SLC37A2: variants seen among roughly 807,000 people sequenced by gnomAD.
The protein encoded by SLC37A2 is glucose-6-phosphate exchanger SLC37A2.
In SLC37A2, 59 loss-of-function variants were observed where a neutral mutation model predicts 70.7. The observed-to-expected ratio is 0.83, with a 90% confidence interval of 0.68 to 1.04. The LOEUF (loss-of-function observed/expected upper bound fraction) is 1.04. SLC37A2 is among the 50% of genes least tolerant of loss of function. The pLI is 0.00. For synonymous variants in SLC37A2, 257 were observed against 262.1 expected, an observed-to-expected ratio of 0.98 and a Z score of 0.19; for missense variants, 580 against 658.1, an observed-to-expected ratio of 0.88 and a Z score of 1.30.
intron 1 of SLC37A2, among the ~76,000 whole-genome samples, chr11:125,071,116 G>A (rs1338256688): frequency 6.6e-6 from 1 of 152,136 alleles, no homozygotes; most frequent in East Asian, 1.9e-4. Context: ...GTCACTAACA[G>A]ACACTAAGTT....
intron 12 of SLC37A2, 63 bp from the exon 13 acceptor site, chr11:125,084,762 C>A (rs1949186326): frequency 8.3e-6 from 13 of 1,566,316 alleles, no homozygotes; most frequent in Non-Finnish European, 1.1e-5. Flanking sequence ...TGTTGCAGAC[C>A]TCAGGGCTCC....
chr11:125,085,000 C>G, intron 13 of SLC37A2, 66 bp from the exon 14 acceptor site: 1 of 1,596,074 alleles, frequency 6.3e-7, no homozygotes, highest in Admixed American at 1.7e-5. Context: ...GGAGAGTGCT[C>G]CTGCCTTGGG....
chr11:125,075,757 G>A (rs1269789132), intron 1 of SLC37A2, among the ~76,000 whole-genome samples: 1 of 152,210 alleles, frequency 6.6e-6, no homozygotes, highest in East Asian at 1.9e-4. Flanking sequence ...GGGGTGTGGA[G>A]GAGGATTCCT....
chr11:125,080,947 A>G lies in SLC37A2; in HGVS notation c.694+167A>G, dbSNP rs979386057. On this transcript the variant is annotated intron_variant, in intron 7 of 17. Transcript: ENST00000403796. This position sits in a 1 kb window ranked among gnomAD's most constrained non-coding sequence, Gnocchi z 4.3. ...ATTTTCTCATTTGTAAAATAATAAT[A>G]GTAATAATAATGTCTATTTCGTAGG... Among the ~76,000 whole-genome samples, 2 of 152,202 alleles carry G rather than the reference A, an allele frequency of 1.3e-5. No homozygotes were observed. Among genetic ancestry groups the G allele is most frequent in the African/African-American group, 4.8e-5 (2 of 41,448 alleles).
At chr11:125,070,405 T>C (rs907761274) in intron 1 of SLC37A2, among the ~76,000 whole-genome samples, 3 of 152,186 alleles carry the variant, frequency 2.0e-5, no homozygotes, top group Non-Finnish European at 4.4e-5. Flanking sequence ...ATTTAATCTT[T>C]ATAACACTCT....
chr11:125,083,489 C>A lies in SLC37A2; in HGVS notation c.977-326C>A. The A allele has an allele frequency of 1.0e-5, 3 of 297,366 alleles. No homozygotes were observed. Among genetic ancestry groups the A allele is most frequent in the Non-Finnish European group, 1.9e-5 (3 of 155,512 alleles). 18.4% of individuals were successfully genotyped at this position (297,366 alleles called of 1,614,324 possible). ...GAAGCAGAGAAAGGGCTGGGCTGAGCTTCAGGTTGCGCTCCAGGGGAAAGG... is the reference window on the plus strand; with the variant it reads ...GAAGCAGAGAAAGGGCTGGGCTGAGATTCAGGTTGCGCTCCAGGGGAAAGG... On this transcript the variant is annotated intron_variant, in intron 10 of 17. Transcript: ENST00000403796. This position sits in a 1 kb window ranked among gnomAD's most constrained non-coding sequence, Gnocchi z 4.6.
At chr11:125,086,690 C>G in intron 17 of SLC37A2, 1 of 270,922 alleles carries the variant, frequency 3.7e-6, no homozygotes, top group Non-Finnish European at 7.2e-6. Flanking sequence ...CTGGTGTGCT[C>G]TCTGCCTACT....
rs879124477 is a variant in SLC37A2 at position 125,083,724 on chromosome 11, C to T, written c.977-91C>T. 9.3e-6 allele frequency: 11 copies of T among 1,184,596 alleles called. No individual in the cohort carries two copies. In the South Asian group the frequency reaches 1.0e-4, roughly 11 times the overall value. 73.4% of individuals were successfully genotyped at this position (1,184,596 alleles called of 1,614,324 possible). A position where few individuals can be genotyped will look rare whatever the true frequency, so the allele number is the denominator to read the frequency against. ...CTTCCTCGGAAAAGGGGGCAGTGGT[C>T]TGGATCACGCTCTGCAGGGCTTCTA... On this transcript the variant is annotated intron_variant, in intron 10 of 17. Transcript: ENST00000403796. The surrounding 1 kb of genome is among the most constrained non-coding windows in gnomAD (Gnocchi z 4.6).
At chr11:125,086,110 C>T (rs1350318836) in intron 17 of SLC37A2, 92 bp downstream of exon 17, 117 of 1,538,138 alleles carry the variant, frequency 7.6e-5, no homozygotes, top group South Asian at 4.6e-4. Flanking sequence ...CAGGCTGAGG[C>T]TCGACCAGCC....
chr11:125,081,301 G>A (rs958927440), intron 7 of SLC37A2, 120 bp from the exon 8 acceptor site: 2 of 978,142 alleles, frequency 2.0e-6, no homozygotes, highest in African/African-American at 1.7e-5. Flanking sequence ...CTTAGGAGCT[G>A]GAGGCGGGGC....
chr11:125,071,549 T>A (rs1488293257), intron 1 of SLC37A2, among the ~76,000 whole-genome samples: 3 of 152,218 alleles, frequency 2.0e-5, no homozygotes, highest in African/African-American at 7.2e-5. Context: ...TTCTCAAATG[T>A]CCTGAGTTCC....
chr11:125,087,478 G>A (rs1331558903), intron 17 of SLC37A2: 1 of 153,346 alleles, frequency 6.5e-6, no homozygotes, highest in Admixed American at 6.5e-5. Context: ...ATCAGACCCA[G>A]ATTCTCTGAA....
intron 1 of SLC37A2, among the ~76,000 whole-genome samples, chr11:125,067,457 TTAGA>T (rs1948993323): frequency 6.6e-6 from 1 of 152,204 alleles, no homozygotes; most frequent in African/African-American, 2.4e-5. Flanking sequence ...TCTCAAATAT[TTAGA>T]TAAATAATAA....
intron 1 of SLC37A2, among the ~76,000 whole-genome samples, chr11:125,065,611 G>T (rs1163775073): frequency 1.3e-5 from 2 of 152,176 alleles, no homozygotes; most frequent in Non-Finnish European, 1.5e-5. Flanking sequence ...TTCTTGGGAG[G>T]TTTTTCTTAG....
intron 14 of SLC37A2, 100 bp downstream of exon 14, chr11:125,085,239 G>A (rs1225171940): frequency 1.4e-5 from 19 of 1,368,504 alleles, no homozygotes; most frequent in Non-Finnish European, 1.8e-5. Flanking sequence ...TCCCGCAGAG[G>A]AGAAACCGTC....
At chr11:125,077,087 G>A in intron 2 of SLC37A2, 143 bp from the exon 3 acceptor site, 1 of 773,944 alleles carries the variant, frequency 1.3e-6, no homozygotes, top group Admixed American at 2.3e-5. Flanking sequence ...GCTTTCCCCT[G>A]CAGCCAGTTC....
chr11:125,076,404 C>T (rs994221395), intron 1 of SLC37A2, among the ~76,000 whole-genome samples: 1 of 152,164 alleles, frequency 6.6e-6, no homozygotes, highest in African/African-American at 2.4e-5. Context: ...TCCCTGCCCC[C>T]ACCTCTGCCA....
intron 1 of SLC37A2, among the ~76,000 whole-genome samples, chr11:125,068,972 G>A (rs1949005005): frequency 2.0e-5 from 3 of 152,206 alleles, no homozygotes; most frequent in Admixed American, 2.0e-4. Flanking sequence ...CTGGGCCTTG[G>A]ACTCCTCCTC....
rs758227051 is a variant in SLC37A2, at chr11:125,063,510, C to G, written c.59+84C>G. On this transcript the variant is annotated intron_variant, in intron 1 of 17. Coordinates refer to ENST00000403796, the MANE Select transcript of SLC37A2 (RefSeq NM_001145290.2). The surrounding 1 kb of genome is among the most constrained non-coding windows in gnomAD (Gnocchi z 5.4). Reference sequence around the variant, plus strand: ...GCCGCGGGGGGCCTCGGAGATCACCCCAGATCGGCCCCGGCGTCGCCGCGT... The same window carrying G: ...GCCGCGGGGGGCCTCGGAGATCACCGCAGATCGGCCCCGGCGTCGCCGCGT... The G allele has an allele frequency of 9.6e-4, 1,248 of 1,306,498 alleles. 3 individuals carry two copies. Among genetic ancestry groups the G allele is most frequent in the Non-Finnish European group, 1.1e-3 (1,077 of 943,806 alleles). The allele number at this position is 1,306,498 out of a possible 1,614,324, so 80.9% of individuals were successfully genotyped here. A position where few individuals can be genotyped will look rare whatever the true frequency, so the allele number is the denominator to read the frequency against.
Sources: allele counts gnomAD v4.1 joint callset (sites outside exome capture counted in the v4.1 genomes callset), GRCh38; gene constraint gnomAD v4.1.1; non-coding constraint Gnocchi (gnomAD v3.1); transcripts MANE v1.5; gene names NCBI Gene and HGNC (gene_info 2026-07-23, HGNC 2026-07-21).